ITGA1: variants seen among roughly 807,000 people sequenced by gnomAD.
ITGA1 encodes integrin alpha-1.
In ITGA1, 85 loss-of-function variants were observed where a neutral mutation model predicts 145.9. That is an observed-to-expected ratio of 0.58 (90% CI 0.49 to 0.70). The LOEUF (loss-of-function observed/expected upper bound fraction) is 0.70, where lower values mean the gene tolerates loss of function less well. ITGA1 is among the 30% of genes least tolerant of loss of function. The pLI is 0.00. For missense variants in ITGA1, 1,351 were observed against 1,418.7 expected (o/e 0.95, Z 0.77); for synonymous variants, 520 against 495.3 (o/e 1.05, Z -0.66).
At chr5:52,799,582 A>G (rs954873511) in intron 1 of ITGA1, among the ~76,000 whole-genome samples, 1 of 152,236 alleles carries the variant, frequency 6.6e-6, no homozygotes, top group African/African-American at 2.4e-5. Context: ...GATCGTGCAG[A>G]CACGGTAACT....
intron 19 of ITGA1, among the ~76,000 whole-genome samples, chr5:52,926,475 A>C (rs1750812271): frequency 6.8e-6 from 1 of 147,860 alleles, no homozygotes; most frequent in African/African-American, 2.6e-5. Context: ...GGTGGCACAC[A>C]CCTGTAGTCC....
chr5:52,811,000 G>A (rs962173903), intron 1 of ITGA1, among the ~76,000 whole-genome samples: 24 of 152,124 alleles, frequency 1.6e-4, no homozygotes, highest in African/African-American at 5.6e-4. Context: ...TAATTGTGAG[G>A]ATCAATAAAG....
intron 7 of ITGA1, among the ~76,000 whole-genome samples, chr5:52,886,041 A>T (rs2111811415): frequency 6.6e-6 from 1 of 152,318 alleles, no homozygotes; most frequent in South Asian, 2.1e-4. Context: ...GTGATCAGAT[A>T]CCAAGGATGA....
intron 13 of ITGA1, among the ~76,000 whole-genome samples, chr5:52,909,309 T>A (rs1750462088): frequency 1.3e-5 from 2 of 152,058 alleles, no homozygotes; most frequent in African/African-American, 4.8e-5. Flanking sequence ...CTCACTAAAC[T>A]GCTAAATAAA....
At chr5:52,902,571 T>A (rs1269348579) in intron 11 of ITGA1, 1 of 104,762 alleles carries the variant, frequency 9.5e-6, no homozygotes, top group East Asian at 3.3e-4. Context: ...TTTTTTCCTC[T>A]TTTTTTTTTC....
At chr5:52,854,100 T>G (rs1468882612) in intron 2 of ITGA1, among the ~76,000 whole-genome samples, 1 of 152,146 alleles carries the variant, frequency 6.6e-6, no homozygotes, top group Non-Finnish European at 1.5e-5. Flanking sequence ...CTGTCTGATC[T>G]CAAAGTAGAT....
intron 1 of ITGA1, among the ~76,000 whole-genome samples, chr5:52,818,093 ATAGAGTATGCT>A (rs1417003925): frequency 6.6e-6 from 1 of 152,226 alleles, no homozygotes; most frequent in African/African-American, 2.4e-5. Context: ...AGAGCATGAT[ATAGAGTATGCT>A]TACAAACTGG....
At chr5:52,798,379 T>C (rs1748387122) in intron 1 of ITGA1, among the ~76,000 whole-genome samples, 1 of 141,386 alleles carries the variant, frequency 7.1e-6, no homozygotes, top group Non-Finnish European at 1.5e-5. Context: ...GAGGGGACCT[T>C]TCCGTCCCCT....
chr5:52,882,403 A>G (rs1168160112), intron 7 of ITGA1, among the ~76,000 whole-genome samples: 5 of 152,066 alleles, frequency 3.3e-5, no homozygotes, highest in Non-Finnish European at 5.9e-5. Context: ...TACTCAATAT[A>G]TATTTATATT....
At chr5:52,887,996 T>C (rs533089501) in intron 8 of ITGA1, 31 bp downstream of exon 8, 27 of 1,601,594 alleles carry the variant, frequency 1.7e-5, no homozygotes, top group Non-Finnish European at 2.2e-5. Flanking sequence ...ATTTTCAAAC[T>C]CTTAGGTGTA....
At chr5:52,944,119 G>C (rs1301223580) in intron 26 of ITGA1, among the ~76,000 whole-genome samples, 2 of 152,124 alleles carry the variant, frequency 1.3e-5, no homozygotes, top group Non-Finnish European at 2.9e-5. Context: ...GAGCCTCTCT[G>C]AAGGAGATGG....
At chr5:52,843,047 G>A (rs1349056891) in intron 1 of ITGA1, among the ~76,000 whole-genome samples, 2 of 151,986 alleles carry the variant, frequency 1.3e-5, no homozygotes, top group East Asian at 1.9e-4. Flanking sequence ...TCAATTCAGA[G>A]TAAACACTTG....
intron 19 of ITGA1, among the ~76,000 whole-genome samples, chr5:52,926,756 A>T (rs1370188895): frequency 6.6e-6 from 1 of 152,080 alleles, no homozygotes; most frequent in Non-Finnish European, 1.5e-5. Context: ...ATAGCTAAAA[A>T]ATCTGACAGT....
chr5:52,850,144 G>T (rs1476834948), intron 2 of ITGA1, among the ~76,000 whole-genome samples: 1 of 151,918 alleles, frequency 6.6e-6, no homozygotes, highest in African/African-American at 2.4e-5. Flanking sequence ...TGGGATTACA[G>T]GCGTGTACCA....
intron 6 of ITGA1, among the ~76,000 whole-genome samples, chr5:52,870,298 T>G (rs563775212): frequency 9.8e-5 from 15 of 152,362 alleles, no homozygotes; most frequent in African/African-American, 3.6e-4. Flanking sequence ...CTTTATGTAT[T>G]CTATCTCTGT....
At chr5:52,928,104 A>G (rs1750840694) in intron 20 of ITGA1, among the ~76,000 whole-genome samples, 1 of 152,126 alleles carries the variant, frequency 6.6e-6, no homozygotes, top group Non-Finnish European at 1.5e-5. Context: ...TATTTCTGTT[A>G]TTTATAAAAT....
intron 11 of ITGA1, chr5:52,902,108 G>A (rs1461156430): frequency 6.6e-6 from 1 of 152,140 alleles, no homozygotes; most frequent in Non-Finnish European, 1.5e-5. Context: ...AAACTGTGTG[G>A]ATTGCAAGTT....
In ITGA1 at chr5:52,957,851, A is replaced by G. The variant is rs1751325467; in HGVS notation, c.*5400A>G. ...TTTACATTTGGCTTTAGCATATTTC[A>G]GGTAATATCTTTATGAAAAAAAGAT... On this transcript the variant is annotated 3_prime_UTR_variant, in exon 29 of 29. Transcript: ENST00000282588. 6.6e-6 allele frequency: 1 copy of G among 152,184 alleles called. No individual in the cohort carries two copies. Among genetic ancestry groups the G allele is most frequent in the Non-Finnish European group, 1.5e-5 (1 of 68,034 alleles). 9.4% of individuals were successfully genotyped at this position (152,184 alleles called of 1,614,324 possible).
chr5:52,876,706 C>T (rs1031175726), intron 6 of ITGA1, among the ~76,000 whole-genome samples: 9 of 152,172 alleles, frequency 5.9e-5, no homozygotes, highest in Non-Finnish European at 1.0e-4. Flanking sequence ...AAAGCCATGA[C>T]ATAGTCCATA....
Sources: gnomAD v4.1 joint callset for allele counts (sites outside exome capture counted in the v4.1 genomes callset) on GRCh38, gnomAD v4.1.1 for gene constraint, MANE v1.5 for transcripts, NCBI Gene and HGNC (gene_info 2026-07-23, HGNC 2026-07-21) for gene names.